NAALADL2: variants seen among roughly 807,000 people sequenced by gnomAD.
The protein encoded by NAALADL2 is inactive N-acetylated-alpha-linked acidic dipeptidase-like protein 2.
In NAALADL2, 76 loss-of-function variants were observed where a neutral mutation model predicts 87.2. The observed-to-expected ratio is 0.87, with a 90% CI of 0.72 to 1.05. The LOEUF (loss-of-function observed/expected upper bound fraction) is 1.05, where lower values mean the gene tolerates loss of function less well. Among genes scored for constraint, NAALADL2 ranks in the 50% least tolerant of loss-of-function variants. The pLI is 0.00. For missense variants in NAALADL2, 1,089 were observed against 945.8 expected (o/e 1.15, Z -1.99); for synonymous variants, 354 against 331.0 (o/e 1.07, Z -0.75).
At chr3:174,591,183 A>G (rs184778537) in intron 2 of NAALADL2, among the ~76,000 whole-genome samples, 2 of 152,354 alleles carry the variant, frequency 1.3e-5, no homozygotes, top group East Asian at 3.9e-4. Flanking sequence ...ACAAATCTCC[A>G]TAAGCCTTCC....
intron 11 of NAALADL2, among the ~76,000 whole-genome samples, chr3:175,684,440 A>T (rs1177485557): frequency 6.6e-6 from 1 of 152,200 alleles, no homozygotes; most frequent in African/African-American, 2.4e-5. Flanking sequence ...AGTAGATTAT[A>T]TAAAGTTATT....
At chr3:175,471,080 CA>C (rs1376059057) in intron 8 of NAALADL2, among the ~76,000 whole-genome samples, 2 of 152,086 alleles carry the variant, frequency 1.3e-5, no homozygotes, top group Non-Finnish European at 2.9e-5. Flanking sequence ...TGACTTTTGT[CA>C]GGAACATGCT....
intron 13 of NAALADL2, among the ~76,000 whole-genome samples, chr3:175,758,400 A>G (rs1747551293): frequency 1.3e-5 from 2 of 151,658 alleles, no homozygotes; most frequent in Non-Finnish European, 2.9e-5. Context: ...ATTAATTTAT[A>G]TATATTAATT....
intron 5 of NAALADL2, among the ~76,000 whole-genome samples, chr3:175,374,680 C>T (rs1309444262): frequency 6.6e-6 from 1 of 150,582 alleles, no homozygotes; most frequent in African/African-American, 2.4e-5. Context: ...TGAGACCAGC[C>T]TGGGCAACAT....
intron 5 of NAALADL2, among the ~76,000 whole-genome samples, chr3:175,329,082 C>T (rs1320462029): frequency 2.6e-5 from 4 of 152,154 alleles, no homozygotes; most frequent in Non-Finnish European, 4.4e-5. Context: ...ATTTTAGTAA[C>T]ACCTCCAGGT....
In NAALADL2 at chr3:175,541,812, T is replaced by C. The variant is rs910222805; in HGVS notation, c.1654-34229T>C. 6.6e-5 allele frequency among the ~76,000 whole-genome samples: 10 copies of C among 152,264 alleles called. No homozygotes were observed. The Middle Eastern group carries it at 0.01, about 155-fold the overall frequency. On this transcript the variant is annotated intron_variant, in intron 9 of 13. Transcript: ENST00000454872. ...ATCTCAGCTCACTGCAACCTTTGCC[T>C]CCCAGGTTCAAGTGATTCTCCTGCC...
intron 2 of NAALADL2, among the ~76,000 whole-genome samples, chr3:174,606,317 G>A (rs1375072711): frequency 2.0e-5 from 3 of 152,220 alleles, no homozygotes; most frequent in African/African-American, 7.2e-5. Flanking sequence ...AAAGCTGGAC[G>A]GAGAATGACT....
intron 4 of NAALADL2, among the ~76,000 whole-genome samples, chr3:175,293,462 A>G (rs1755914126): frequency 6.6e-6 from 1 of 152,248 alleles, no homozygotes; most frequent in African/African-American, 2.4e-5. Context: ...TCTTCTGAGC[A>G]TATATAAATA....
chr3:175,331,371 C>A (rs1259867967), intron 5 of NAALADL2, among the ~76,000 whole-genome samples: 1 of 152,126 alleles, frequency 6.6e-6, no homozygotes, highest in Non-Finnish European at 1.5e-5. Context: ...AGATCAATAT[C>A]CCTGATGAAC....
At chr3:175,027,317 T>C (rs1225174642) in intron 1 of NAALADL2, among the ~76,000 whole-genome samples, 4 of 152,086 alleles carry the variant, frequency 2.6e-5, no homozygotes, top group African/African-American at 4.8e-5. Flanking sequence ...TGAAGCAGCA[T>C]AGGTGAAGAA....
At chr3:175,282,383 G>A (rs1308960529) in intron 4 of NAALADL2, among the ~76,000 whole-genome samples, 3 of 151,976 alleles carry the variant, frequency 2.0e-5, no homozygotes, top group Admixed American at 1.3e-4. Context: ...AGCTATATAG[G>A]TGTTCTGTAT....
At chr3:175,293,666 G>C (rs1268237765) in intron 4 of NAALADL2, among the ~76,000 whole-genome samples, 2 of 152,062 alleles carry the variant, frequency 1.3e-5, no homozygotes, top group African/African-American at 4.8e-5. Flanking sequence ...AGATACCCCA[G>C]AGACCTCTTT....
chr3:175,538,042 T>G (rs1711569542), intron 9 of NAALADL2, among the ~76,000 whole-genome samples: 1 of 152,184 alleles, frequency 6.6e-6, no homozygotes, highest in Non-Finnish European at 1.5e-5. Context: ...TTGTTGAAGT[T>G]TTATAAAGCT....
Position 175,755,422 on chromosome 3 carries a change from G to C in NAALADL2, c.2189+4G>C. 1 of 1,572,644 alleles carries C rather than the reference G, an allele frequency of 6.4e-7. No individual in the cohort carries two copies. Among genetic ancestry groups the C allele is most frequent in the Non-Finnish European group, 8.6e-7 (1 of 1,158,228 alleles). ...AGGCACCACCAGGTTTTTATAGGTA[G>C]GATGCATGTCTCAAAAATTATACTT... On this transcript the variant is annotated splice_donor_region_variant and intron_variant, in intron 13 of 13. Transcript: ENST00000454872.
At chr3:175,597,807 G>T (rs1385933304) in intron 10 of NAALADL2, among the ~76,000 whole-genome samples, 1 of 151,912 alleles carries the variant, frequency 6.6e-6, no homozygotes, top group Non-Finnish European at 1.5e-5. Flanking sequence ...TGAATTACAT[G>T]AATATCTACA....
At chr3:174,936,844 A>G (rs1737765065) in intron 1 of NAALADL2, among the ~76,000 whole-genome samples, 1 of 152,140 alleles carries the variant, frequency 6.6e-6, no homozygotes, top group South Asian at 2.1e-4. Flanking sequence ...GCTGGAGAGA[A>G]AGAGAGTTTG....
intron 11 of NAALADL2, among the ~76,000 whole-genome samples, chr3:175,653,760 C>G (rs1181508860): frequency 6.6e-6 from 1 of 152,138 alleles, no homozygotes; most frequent in Non-Finnish European, 1.5e-5. Context: ...ACAAGACTTT[C>G]ATGAGGTTCT....
intron 2 of NAALADL2, among the ~76,000 whole-genome samples, chr3:175,231,939 G>A (rs554137492): frequency 1.3e-5 from 2 of 151,968 alleles, no homozygotes; most frequent in East Asian, 1.9e-4. Flanking sequence ...ATGGAGAAAG[G>A]GGGTAGGAAA....
intron 4 of NAALADL2, among the ~76,000 whole-genome samples, chr3:175,294,214 GA>G (rs1327079535): frequency 6.6e-6 from 1 of 152,136 alleles, no homozygotes; most frequent in African/African-American, 2.4e-5. Flanking sequence ...AAAACATAGT[GA>G]ATTATTTGTT....
Sources: allele counts gnomAD v4.1 joint callset (sites outside exome capture counted in the v4.1 genomes callset), GRCh38; gene constraint gnomAD v4.1.1; transcripts MANE v1.5; gene names NCBI Gene and HGNC (gene_info 2026-07-23, HGNC 2026-07-21).